Variants in MYO18B observed in about 807,000 individuals in gnomAD.
MYO18B encodes unconventional myosin-XVIIIb.
In MYO18B, 204 loss-of-function variants were observed where a neutral mutation model predicts 273.0. The ratio of observed to expected loss-of-function variants is 0.75; its 90% CI spans 0.67 to 0.84. The LOEUF (loss-of-function observed/expected upper bound fraction) is 0.84. MYO18B is among the 40% of genes least tolerant of loss of function. The probability of loss-of-function intolerance (pLI) is 0.00; values close to 1 mark genes in which losing one functional copy is unlikely to be tolerated. For synonymous variants in MYO18B, 1,330 were observed against 1,305.7 expected (o/e 1.02, Z -0.40); for missense variants, 3,212 against 3,287.6 (o/e 0.98, Z 0.56).
Position 25,847,414 on chromosome 22 carries a change from C to A in MYO18B, c.3553-16C>A. 1 of 1,554,264 alleles carries A rather than the reference C, an allele frequency of 6.4e-7. No homozygotes were observed. The highest frequency in any genetic ancestry group is 2.4e-5 in the East Asian group (1 of 41,322). On this transcript the variant is annotated splice_polypyrimidine_tract_variant and intron_variant, in intron 19 of 43. Transcript: ENST00000335473. ...CTGTGAGACAACTGGCCCTGACCTC[C>A]CTCTATTTGGTCTAGGATGCGCTGA...
chr22:25,798,220 C>G (rs1285222691), intron 12 of MYO18B, 123 bp downstream of exon 12: 4 of 1,295,938 alleles, frequency 3.1e-6, no homozygotes, highest in Admixed American at 5.8e-5. Context: ...GTCTCTGGGA[C>G]TTCCCTTGGG....
intron 34 of MYO18B, among the ~76,000 whole-genome samples, chr22:25,935,389 G>A (rs1376254471): frequency 6.6e-6 from 1 of 152,162 alleles, no homozygotes; most frequent in African/African-American, 2.4e-5. Flanking sequence ...ATGCCCTCCT[G>A]AGGCAACCCC....
intron 25 of MYO18B, among the ~76,000 whole-genome samples, chr22:25,878,640 C>T (rs778080847): frequency 5.3e-5 from 8 of 152,214 alleles, no homozygotes; most frequent in Non-Finnish European, 8.8e-5. Flanking sequence ...AAAAGACACT[C>T]AACCTAATTA....
chr22:25,941,677 T>C (rs953649326), intron 34 of MYO18B, among the ~76,000 whole-genome samples: 3 of 152,244 alleles, frequency 2.0e-5, no homozygotes, highest in African/African-American at 7.2e-5. Flanking sequence ...TAAAGTGCAA[T>C]AAATTGAAAC....
intron 12 of MYO18B, among the ~76,000 whole-genome samples, chr22:25,805,869 G>A (rs897784667): frequency 5.3e-5 from 8 of 152,140 alleles, no homozygotes; most frequent in African/African-American, 1.7e-4. Flanking sequence ...CTCTTGATTC[G>A]AAAGTCACTG....
At chr22:26,008,549 G>A (rs540977266) in intron 42 of MYO18B, among the ~76,000 whole-genome samples, 17 of 152,324 alleles carry the variant, frequency 1.1e-4, no homozygotes, top group African/African-American at 2.9e-4. Flanking sequence ...ATAAGGGGAC[G>A]TCAACTCAAG....
the MYO18B span, among the ~76,000 whole-genome samples, chr22:26,056,341 A>T: frequency 4.1e-3 from 621 of 152,324 alleles, 9 homozygotes; most frequent in African/African-American, 0.014. Context: ...TGAAAATCTT[A>T]TCCATCAATT....
intron 7 of MYO18B, among the ~76,000 whole-genome samples, chr22:25,773,019 C>A (rs2086778730): frequency 1.3e-5 from 2 of 152,206 alleles, no homozygotes; most frequent in Non-Finnish European, 2.9e-5. Context: ...GCACCCACAT[C>A]AACGGGGAAA....
At chr22:25,856,104 G>A (rs76120939) in intron 21 of MYO18B, among the ~76,000 whole-genome samples, 6,173 of 152,248 alleles carry the variant, frequency 0.041, 185 homozygotes, top group East Asian at 0.14. Flanking sequence ...ATTTTTTGAT[G>A]AGCTGCCATA....
chr22:25,999,547 C>CTTT (rs1456217418), intron 40 of MYO18B, among the ~76,000 whole-genome samples: 1 of 37,742 alleles, frequency 2.6e-5, no homozygotes, highest in Non-Finnish European at 5.3e-5. Flanking sequence ...CCCTCTTCCC[C>CTTT]CTCCCCCTCT....
rs181407726 is a variant in MYO18B at position 25,944,786 on chromosome 22, G to A, written c.5518-1351G>A. On this transcript the variant is annotated intron_variant, in intron 34 of 43. Transcript: ENST00000335473. ...CGCTGGAACCCGGGAGGTGGAGGTC[G>A]CAGTGAGCTGAGATCGTGGCACTGC... is the stretch of plus-strand genomic sequence containing the variant. Among the ~76,000 whole-genome samples, 968 of 150,486 alleles carry A rather than the reference G, an allele frequency of 6.4e-3. 5 individuals are homozygous for A. The highest frequency in any genetic ancestry group is 0.023 in the African/African-American group (929 of 40,758).
chr22:25,947,923 T>A (rs2092734087), intron 36 of MYO18B, 95 bp downstream of exon 36: 1 of 857,580 alleles, frequency 1.2e-6, no homozygotes, highest in Non-Finnish European at 1.9e-6. Flanking sequence ...TACTCCCTGG[T>A]CTTAACATCT....
rs549067309 is a variant in MYO18B, at chr22:25,807,541, A to G, written c.2521+9444A>G. 4.1e-4 allele frequency among the ~76,000 whole-genome samples: 63 copies of G among 152,286 alleles called. 1 individual carries two copies. The South Asian group carries it at 0.013, about 32-fold the overall frequency. ...AACTGGTGGCTGATGAAGCGTAGGA[A>G]GGCTGGAATAGCCCATTTCCCAGGC... On this transcript the variant is annotated intron_variant, in intron 12 of 43. Transcript: ENST00000335473.
intron 1 of MYO18B, among the ~76,000 whole-genome samples, chr22:25,755,764 T>G (rs576179324): frequency 4.6e-5 from 7 of 152,160 alleles, no homozygotes; most frequent in South Asian, 2.1e-4. Flanking sequence ...TGTCTCTCGC[T>G]CCCTCTCTCA....
intron 17 of MYO18B, among the ~76,000 whole-genome samples, chr22:25,840,323 C>T (rs1010239392): frequency 6.6e-6 from 1 of 152,272 alleles, no homozygotes; most frequent in African/African-American, 2.4e-5. Context: ...GCCCTGGCTT[C>T]AGCAGCTCCT....
chr22:25,858,493 C>G (rs1222722224), intron 21 of MYO18B, among the ~76,000 whole-genome samples: 1 of 152,176 alleles, frequency 6.6e-6, no homozygotes, highest in African/African-American at 2.4e-5. Context: ...TATGGCTCTT[C>G]ATTATTTCTG....
Position 26,020,735 on chromosome 22 carries a change from C to A in MYO18B, c.6471-5710C>A, listed in dbSNP as rs533720085. Among the ~76,000 whole-genome samples the A allele has an allele frequency of 1.3e-4, 20 of 152,204 alleles. No individual in the cohort carries two copies. The South Asian group carries it at 4.0e-3, about 30-fold the overall frequency. ...GCATCATCTCTCATTTCTAACAAGA[C>A]CCTGGGACCTAGGGCAGTGTCATTC... On this transcript the variant is annotated intron_variant, in intron 42 of 43. Coordinates refer to ENST00000335473, the MANE Select transcript of MYO18B (RefSeq NM_032608.7).
chr22:25,846,420 C>A, intron 19 of MYO18B, 137 bp downstream of exon 19: 1 of 955,164 alleles, frequency 1.0e-6, no homozygotes, highest in Non-Finnish European at 1.5e-6. Context: ...CCACGCTCCA[C>A]AGAGGAGGAA....
intron 36 of MYO18B, among the ~76,000 whole-genome samples, chr22:25,948,441 TC>T (rs1304400331): frequency 6.3e-4 from 76 of 121,564 alleles, no homozygotes; most frequent in African/African-American, 2.0e-3. Context: ...CTTCCTTCCT[TC>T]CTTCCTTCCT....
Sources: gnomAD v4.1 joint callset for allele counts (sites outside exome capture counted in the v4.1 genomes callset) on GRCh38, gnomAD v4.1.1 for gene constraint, MANE v1.5 for transcripts, NCBI Gene and HGNC (gene_info 2026-07-23, HGNC 2026-07-21) for gene names.